The following CD300LG variants were observed in gnomAD, a reference collection of about 807,000 sequenced individuals.
The protein encoded by CD300LG is CMRF35-like molecule 9.
Under a neutral mutation model 31.5 loss-of-function variants are expected in CD300LG, and 29 were observed. The observed-to-expected ratio is 0.92, with a 90% CI of 0.68 to 1.25. The LOEUF is 1.25. CD300LG is among the 50% of genes most tolerant of loss of function. The pLI is 0.00. For synonymous variants in CD300LG, 175 were observed against 177.2 expected (o/e 0.99, Z 0.10); for missense variants, 396 against 417.6 (o/e 0.95, Z 0.45).
intron 6 of CD300LG, chr17:43,858,410 G>GGCTGAGAGC: frequency 1.0e-6 from 1 of 985,468 alleles, no homozygotes; most frequent in South Asian, 4.7e-5. Context: ...GGTCCAAGGA[G>GGCTGAGAGC]GCTGAGAGCG....
At chr17:43,861,093 G>T (rs2046644081) in intron 6 of CD300LG, 1 of 985,214 alleles carries the variant, frequency 1.0e-6, no homozygotes, top group Admixed American at 6.2e-5. Context: ...GACCATCCCT[G>T]CTGCCAAGAA....
At chr17:43,859,888 T>C (rs1232332886) in intron 6 of CD300LG, among the ~76,000 whole-genome samples, 1 of 152,182 alleles carries the variant, frequency 6.6e-6, no homozygotes, top group African/African-American at 2.4e-5. Context: ...TTCTTTGGTA[T>C]ATATTTTATC....
chr17:43,857,822 G>A, intron 6 of CD300LG: 1 of 1,537,232 alleles, frequency 6.5e-7, no homozygotes, highest in Non-Finnish European at 8.7e-7. Flanking sequence ...GCCTGCCTTG[G>A]CTCTGAGACC....
At chr17:43,861,376 C>T (rs1025136738) in intron 6 of CD300LG, 1 of 719,290 alleles carries the variant, frequency 1.4e-6, no homozygotes, top group Admixed American at 6.3e-5. Context: ...AACCCCACAC[C>T]CCCGCATCTA....
chr17:43,848,852 G>A lies in CD300LG; in HGVS notation c.338G>A (p.Gly113Asp), dbSNP rs749020643. Residue 113 changes from glycine (G) to aspartate (D), a missense_variant, in exon 2 of 7, where the codon GGC becomes GAC. Physicochemically the swap from Gly to Asp is moderately conservative, Grantham distance 94. Transcript: ENST00000317310. ...GEYWCGVEKR[G>D]PDESLLISLF... ...TACTGGTGTGGGGTCGAAAAACGGGGCCCCGATGAGTCTTTACTGATCTCT... is the reference window on the plus strand; with the variant it reads ...TACTGGTGTGGGGTCGAAAAACGGGACCCCGATGAGTCTTTACTGATCTCT... 14 of 1,613,918 alleles carry A rather than the reference G, an allele frequency of 8.7e-6. No homozygotes were observed. The highest frequency in any genetic ancestry group is 1.1e-5 in the Non-Finnish European group (13 of 1,179,998).
intron 6 of CD300LG, among the ~76,000 whole-genome samples, chr17:43,861,457 T>C (rs1430708198): frequency 6.6e-6 from 1 of 152,042 alleles, no homozygotes; most frequent in Non-Finnish European, 1.5e-5. Flanking sequence ...TGACCTCACA[T>C]CCTCTTTTTT....
At chr17:43,853,691 T>C in intron 3 of CD300LG, 116 bp from the exon 4 acceptor site, 1 of 781,398 alleles carries the variant, frequency 1.3e-6, no homozygotes, top group East Asian at 2.5e-5. Flanking sequence ...TAGCTGGGGA[T>C]GTTCCGAGAA....
In CD300LG at chr17:43,855,207, G is replaced by A. The variant is rs774927668; in HGVS notation, c.720G>A (p.Arg240=). 1 of 1,601,294 alleles carries A rather than the reference G, an allele frequency of 6.2e-7. No homozygotes were observed. The highest frequency in any genetic ancestry group is 2.3e-5 in the East Asian group (1 of 44,282). The change falls in exon 5 of 7, where the codon AGG becomes AGA. Residue 240 remains arginine, a splice_region_variant and synonymous_variant. Coordinates refer to ENST00000317310, the MANE Select transcript of CD300LG (RefSeq NM_145273.4). ...PALSSGSSKP[R]VSIPMVRILA... ...TAGGCTCCTTGCGTCTCGTCTCCAGGGTGTCCATCCCGATGGTCCGCATAC... is the reference window on the plus strand; with the variant it reads ...TAGGCTCCTTGCGTCTCGTCTCCAGAGTGTCCATCCCGATGGTCCGCATAC...
rs1344621746 is a variant in CD300LG, at chr17:43,848,822, G to A, written c.308G>A (p.Gly103Glu). 3.1e-6 allele frequency: 5 copies of A among 1,614,046 alleles called. No individual in the cohort carries two copies. The highest frequency in any genetic ancestry group is 8.5e-7 in the Non-Finnish European group (1 of 1,180,042). The change falls in exon 2 of 7, where the codon GGG becomes GAG. Residue 103 changes from glycine to glutamate, a missense_variant. Coordinates refer to ENST00000317310, the MANE Select transcript of CD300LG (RefSeq NM_145273.4). The stretch of plus-strand genomic sequence containing the variant: ...TGGAACCTCACCCTGCAAGACGCTG[G>A]GGAGTACTGGTGTGGGGTCGAAAAA... ...TLWNLTLQDA[G>E]EYWCGVEKRG...
At chr17:43,860,761 ACCTGCAG>A (rs2046636169) in intron 6 of CD300LG, among the ~76,000 whole-genome samples, 1 of 152,240 alleles carries the variant, frequency 6.6e-6, no homozygotes, top group Non-Finnish European at 1.5e-5. Context: ...GTTACAAAGA[ACCTGCAG>A]CCTGCATGAT....
At chr17:43,852,267 G>A (rs1437637486) in intron 2 of CD300LG, among the ~76,000 whole-genome samples, 2 of 151,606 alleles carry the variant, frequency 1.3e-5, no homozygotes, top group South Asian at 2.1e-4. Context: ...GTGCAGTGGC[G>A]CAATCTTGGC....
chr17:43,847,956 A>G (rs1226452245), intron 1 of CD300LG, among the ~76,000 whole-genome samples: 1 of 152,104 alleles, frequency 6.6e-6, no homozygotes, highest in Non-Finnish European at 1.5e-5. Flanking sequence ...CTAAAAACAA[A>G]ACAAAACCAG....
intron 3 of CD300LG, among the ~76,000 whole-genome samples, chr17:43,853,379 T>G (rs961004405): frequency 6.6e-6 from 1 of 151,984 alleles, no homozygotes; most frequent in African/African-American, 2.4e-5. Flanking sequence ...AAGGCCTTAC[T>G]GAGGCACGGG....
intron 5 of CD300LG, among the ~76,000 whole-genome samples, chr17:43,856,145 A>G (rs1161255790): frequency 1.3e-5 from 2 of 152,152 alleles, no homozygotes; most frequent in East Asian, 1.9e-4. Context: ...TATTTAACCC[A>G]ATATATCCCA....
intron 1 of CD300LG, among the ~76,000 whole-genome samples, chr17:43,847,494 A>G (rs866192789): frequency 1.7e-4 from 26 of 152,172 alleles, no homozygotes; most frequent in African/African-American, 5.3e-4. Context: ...CCTCATGGCA[A>G]TGTGGCTGTG....
At chr17:43,857,218 C>T in intron 6 of CD300LG, 62 bp downstream of exon 6, 1 of 1,590,920 alleles carries the variant, frequency 6.3e-7, no homozygotes, top group Non-Finnish European at 8.6e-7. Flanking sequence ...AGTCAAGATT[C>T]CTGGGCTTTG....
At chr17:43,852,351 A>G (rs189880994) in intron 2 of CD300LG, among the ~76,000 whole-genome samples, 60 of 152,146 alleles carry the variant, frequency 3.9e-4, no homozygotes, top group Admixed American at 3.9e-3. Context: ...AGTAGCTGGG[A>G]TTACAGGCAT....
Position 43,861,789 on chromosome 17 carries a change from T to C in CD300LG, c.886-9T>C. ...TTCTGCTCTCCAAACCCCACTGTTGTCTTTACAGACTGCGGAGGAAAAGGA... is the reference window on the plus strand; with the variant it reads ...TTCTGCTCTCCAAACCCCACTGTTGCCTTTACAGACTGCGGAGGAAAAGGA... On this transcript the variant is annotated splice_polypyrimidine_tract_variant and intron_variant, in intron 6 of 6. Coordinates refer to ENST00000317310, the MANE Select transcript of CD300LG (RefSeq NM_145273.4). 1 of 1,582,652 alleles carries C rather than the reference T, an allele frequency of 6.3e-7. No individual in the cohort carries two copies.
At position 43,857,546 on chromosome 17, in the gene CD300LG, C is replaced by T. The variant is rs1244893735; in HGVS notation, c.885+390C>T. On this transcript the variant is annotated intron_variant, in intron 6 of 6. Coordinates refer to ENST00000317310, the MANE Select transcript of CD300LG (RefSeq NM_145273.4). Reference sequence around the variant, plus strand: ...TTTCTCTCAGTTTGAAGCAAATCGCCTTTCAGAACGCCCAGGGGTCAGGGA... The same window carrying T: ...TTTCTCTCAGTTTGAAGCAAATCGCTTTTCAGAACGCCCAGGGGTCAGGGA... 5 of 1,418,516 alleles carry T rather than the reference C, an allele frequency of 3.5e-6. No individual in the cohort carries two copies. The Admixed American group carries it at 9.8e-5, about 28-fold the overall frequency. The allele number at this position is 1,418,516 out of a possible 1,614,324, so 87.9% of individuals were successfully genotyped here. A position where few individuals can be genotyped will look rare whatever the true frequency, so the allele number is the denominator to read the frequency against.
Sources: gnomAD v4.1 joint callset for allele counts (sites outside exome capture counted in the v4.1 genomes callset) on GRCh38, gnomAD v4.1.1 for gene constraint, MANE v1.5 for transcripts, NCBI Gene and HGNC (gene_info 2026-07-23, HGNC 2026-07-21) for gene names.